HNF4A: variants seen among roughly 807,000 people sequenced by gnomAD.
HNF4A encodes hepatocyte nuclear factor 4-alpha.
Under a neutral mutation model 52.4 loss-of-function variants are expected in HNF4A, and 15 were observed. The observed-to-expected ratio is 0.29, with a 90% CI of 0.19 to 0.44. The LOEUF (loss-of-function observed/expected upper bound fraction) is 0.44, where lower values mean the gene tolerates loss of function less well. HNF4A is among the 20% of genes least tolerant of loss of function. HNF4A has a pLI of 1.00. For missense variants in HNF4A, 479 were observed against 647.2 expected (o/e 0.74, Z 2.82); for synonymous variants, 280 against 264.4 (o/e 1.06, Z -0.57).
At chr20:44,357,313 C>T (rs1266979933) in intron 1 of HNF4A, among the ~76,000 whole-genome samples, 2 of 152,094 alleles carry the variant, frequency 1.3e-5, no homozygotes, top group Non-Finnish European at 2.9e-5. Flanking sequence ...GACCTATCTC[C>T]CAGAGAGCGG....
intron 7 of HNF4A, among the ~76,000 whole-genome samples, chr20:44,421,827 A>G (rs891922798): frequency 3.4e-5 from 5 of 146,592 alleles, no homozygotes; most frequent in Non-Finnish European, 6.0e-5. Flanking sequence ...TATATATAGT[A>G]TATAGTGATA....
chr20:44,381,116 A>T (rs2063147574), intron 1 of HNF4A, among the ~76,000 whole-genome samples: 2 of 152,170 alleles, frequency 1.3e-5, no homozygotes, highest in Non-Finnish European at 2.9e-5. Flanking sequence ...TGGGCTTAAT[A>T]CTTCCAATGA....
chr20:44,376,712 A>C (rs1314740583), intron 1 of HNF4A, among the ~76,000 whole-genome samples: 1 of 152,190 alleles, frequency 6.6e-6, no homozygotes, highest in African/African-American at 2.4e-5. Context: ...TTATCTGGTA[A>C]TGTGTCATTA....
At chr20:44,420,632 T>C (rs1033464431) in intron 7 of HNF4A, among the ~76,000 whole-genome samples, 1 of 151,818 alleles carries the variant, frequency 6.6e-6, no homozygotes, top group Non-Finnish European at 1.5e-5. Flanking sequence ...CTAAAAAAAA[T>C]TAGCCAGGGA....
At chr20:44,425,138 C>T (rs544276556) in intron 8 of HNF4A, among the ~76,000 whole-genome samples, 6 of 152,284 alleles carry the variant, frequency 3.9e-5, no homozygotes, top group East Asian at 1.9e-4. Flanking sequence ...CCCGCCACCA[C>T]GCCCTGCTCA....
intron 1 of HNF4A, among the ~76,000 whole-genome samples, chr20:44,382,481 C>G (rs2063167979): frequency 6.6e-6 from 1 of 152,146 alleles, no homozygotes; most frequent in Non-Finnish European, 1.5e-5. Flanking sequence ...TCGTGATCCG[C>G]CCGCCTTGGC....
At chr20:44,363,706 C>CTTTT (rs11480026) in intron 1 of HNF4A, among the ~76,000 whole-genome samples, 12 of 107,490 alleles carry the variant, frequency 1.1e-4, no homozygotes, top group Admixed American at 2.2e-4. Flanking sequence ...TCCATCTACT[C>CTTTT]TTTTTTTTTT....
chr20:44,413,520 GA>G (rs1485263275), intron 3 of HNF4A, among the ~76,000 whole-genome samples, 173 bp from the exon 4 acceptor site: 1 of 151,958 alleles, frequency 6.6e-6, no homozygotes, highest in Non-Finnish European at 1.5e-5. Flanking sequence ...GTGATATGTG[GA>G]AAGTTCTTCC....
intron 1 of HNF4A, among the ~76,000 whole-genome samples, chr20:44,363,115 C>T (rs769796972): frequency 6.6e-6 from 1 of 152,052 alleles, no homozygotes; most frequent in Non-Finnish European, 1.5e-5. Flanking sequence ...CTCGGCCTCC[C>T]AAAGTGCTGG....
At chr20:44,355,816 G>A in exon 1 of HNF4A, 1 of 1,613,794 alleles carries the variant, frequency 6.2e-7, no homozygotes, top group African/African-American at 1.3e-5. Flanking sequence ...TGGTCAGCGT[G>A]AACGCGCCCC....
chr20:44,376,389 G>A (rs1486167112), intron 1 of HNF4A, among the ~76,000 whole-genome samples: 3 of 152,124 alleles, frequency 2.0e-5, no homozygotes, highest in African/African-American at 7.2e-5. Context: ...TCTGTCGCTG[G>A]TATGTAGGAA....
intron 1 of HNF4A, among the ~76,000 whole-genome samples, chr20:44,356,453 AC>A (rs896605677): frequency 7.9e-5 from 12 of 151,934 alleles, no homozygotes; most frequent in African/African-American, 2.7e-4. Flanking sequence ...CCTTAGGGTG[AC>A]CCCCACATTG....
intron 1 of HNF4A, among the ~76,000 whole-genome samples, chr20:44,391,159 C>G (rs1353017799): frequency 1.3e-5 from 2 of 152,148 alleles, no homozygotes; most frequent in Non-Finnish European, 2.9e-5. Context: ...TCCCCTCACC[C>G]AGAGCTTGTC....
intron 1 of HNF4A, among the ~76,000 whole-genome samples, chr20:44,386,656 G>C (rs2063227949): frequency 6.6e-6 from 1 of 152,126 alleles, no homozygotes; most frequent in African/African-American, 2.4e-5. Context: ...CACACCTTGA[G>C]GGTAGGGAAA....
chr20:44,399,207 T>C (rs1195424999), upstream of HNF4A, among the ~76,000 whole-genome samples: 2 of 146,628 alleles, frequency 1.4e-5, no homozygotes, highest in East Asian at 3.9e-4. Context: ...CCTTATCAAG[T>C]CTCATAGTGT....
chr20:44,371,745 A>C (rs769660528), intron 1 of HNF4A, among the ~76,000 whole-genome samples: 1 of 152,052 alleles, frequency 6.6e-6, no homozygotes, highest in Non-Finnish European at 1.5e-5. Flanking sequence ...GAATCTCTTG[A>C]ACCCAGGAGG....
intron 1 of HNF4A, among the ~76,000 whole-genome samples, chr20:44,370,975 G>A (rs1054271874): frequency 1.3e-5 from 2 of 152,214 alleles, no homozygotes; most frequent in Non-Finnish European, 2.9e-5. Flanking sequence ...TGAAGGAGCA[G>A]GTCAGAAAGT....
intron 1 of HNF4A, chr20:44,390,780 G>A (rs2063293303): frequency 3.1e-6 from 2 of 652,952 alleles, no homozygotes; most frequent in African/African-American, 1.8e-5. Flanking sequence ...CAGTGTGGAG[G>A]ATTTGTACCC....
chr20:44,421,463 TA>T (rs2063742979), intron 7 of HNF4A, among the ~76,000 whole-genome samples: 1 of 152,030 alleles, frequency 6.6e-6, no homozygotes, highest in African/African-American at 2.4e-5. Flanking sequence ...GTAATAATAG[TA>T]ATGAAAAGGC....
Sources: allele counts gnomAD v4.1 joint callset (sites outside exome capture counted in the v4.1 genomes callset), GRCh38; gene constraint gnomAD v4.1.1; transcripts MANE v1.5; gene names NCBI Gene and HGNC (gene_info 2026-07-23, HGNC 2026-07-21).